The following FAM161A variants were observed in gnomAD, a reference collection of about 807,000 sequenced individuals.
The protein encoded by FAM161A is FAM161 centrosomal protein A.
FAM161A carries 57 observed loss-of-function variants against 70.9 expected under a neutral mutation model. The observed-to-expected ratio is 0.80, with a 90% CI of 0.65 to 1.00. The LOEUF (loss-of-function observed/expected upper bound fraction) is 1.00. FAM161A is among the 50% of genes least tolerant of loss of function. The pLI is 0.00. For missense variants in FAM161A, 880 were observed against 836.0 expected (o/e 1.05, Z -0.65); for synonymous variants, 299 against 295.7 (o/e 1.01, Z -0.12).
chr2:61,848,573 C>T lies in FAM161A; in HGVS notation c.183+5286G>A, dbSNP rs1217717162. Among the ~76,000 whole-genome samples the T allele has an allele frequency of 7.9e-5, 12 of 151,578 alleles. No homozygotes were observed. In the Admixed American group the frequency reaches 8.0e-4, roughly 10 times the overall value. The stretch of plus-strand genomic sequence containing the variant: ...TAATCTTCCCTAGATTGGCTTGACC[C>T]ATTTAGATAATGAATCCTTCCAGTA... On this transcript the variant is annotated intron_variant, in intron 1 of 6. Transcript: ENST00000404929.
At chr2:61,806,287 C>A in the FAM161A span, among the ~76,000 whole-genome samples, 5 of 152,120 alleles carry the variant, frequency 3.3e-5, no homozygotes, top group Non-Finnish European at 5.9e-5. Context: ...TTTGAGGGCG[C>A]CATCGCTACT....
rs144455077 is a variant in FAM161A, at chr2:61,840,588, G to A, written c.423-7C>T. 2,100 of 1,557,972 alleles carry A rather than the reference G, an allele frequency of 1.3e-3. 23 individuals are homozygous for A. The African/African-American group carries it at 0.025, about 19-fold the overall frequency. On this transcript the variant is annotated splice_polypyrimidine_tract_variant and splice_region_variant and intron_variant, in intron 2 of 6. Coordinates refer to ENST00000404929, the MANE Select transcript of FAM161A (RefSeq NM_001201543.2). ...GTTCTTTTCTGATACAGATCTAAAT[G>A]AGAAGAATAACTATGTTATACTTTC...
At chr2:61,802,914 C>G in the FAM161A span, among the ~76,000 whole-genome samples, 1 of 152,076 alleles carries the variant, frequency 6.6e-6, no homozygotes, top group Non-Finnish European at 1.5e-5. Flanking sequence ...CCTAGTTAGC[C>G]CTGAGAAGTA....
At chr2:61,812,376 A>G in the FAM161A span, among the ~76,000 whole-genome samples, 2 of 152,270 alleles carry the variant, frequency 1.3e-5, no homozygotes, top group African/African-American at 4.8e-5. Context: ...TGGATTATTT[A>G]TAAGTTAGTG....
chr2:61,854,000 A>C lies in FAM161A; in HGVS notation c.42T>G (p.Ser14Arg), dbSNP rs1673590398. The stretch of plus-strand genomic sequence containing the variant: ...TGATGGGATTTACCGGGGTCTGGAG[A>C]CTGGAGGCCACCAGCTTCGCCACTC... ...SHRVAKLVAS[S>R]LQTPVNPITG... Residue 14 changes from serine to arginine, a missense_variant, in exon 1 of 7, where the codon AGT becomes AGG. By Grantham distance (110) the Ser-to-Arg change is moderately radical. Coordinates refer to ENST00000404929, the MANE Select transcript of FAM161A (RefSeq NM_001201543.2). 4 of 1,612,972 alleles carry C rather than the reference A, an allele frequency of 2.5e-6. No homozygotes were observed. The East Asian group carries it at 8.9e-5, about 36-fold the overall frequency.
intron 5 of FAM161A, among the ~76,000 whole-genome samples, chr2:61,828,312 A>T (rs779139080): frequency 4.3e-4 from 65 of 150,638 alleles, no homozygotes; most frequent in Non-Finnish European, 7.8e-4. Context: ...TCATGCAATA[A>T]TTGTTGTCAG....
intron 5 of FAM161A, among the ~76,000 whole-genome samples, chr2:61,832,980 G>C (rs566926121): frequency 6.6e-6 from 1 of 152,110 alleles, no homozygotes; most frequent in Non-Finnish European, 1.5e-5. Flanking sequence ...GATGAATTAC[G>C]AATGTGTTTA....
At chr2:61,846,796 T>A in intron 1 of FAM161A, 1 of 364,174 alleles carries the variant, frequency 2.7e-6, no homozygotes, top group Non-Finnish European at 5.5e-6. Flanking sequence ...CCTGTCGGCT[T>A]GTGTCAGTCT....
At chr2:61,848,292 T>C (rs1673304207) in intron 1 of FAM161A, among the ~76,000 whole-genome samples, 1 of 152,224 alleles carries the variant, frequency 6.6e-6, no homozygotes, top group Non-Finnish European at 1.5e-5. Context: ...CCATTCTGTT[T>C]TCAGCTTAAT....
At chr2:61,836,780 GC>G in intron 4 of FAM161A, 1 of 174,416 alleles carries the variant, frequency 5.7e-6, no homozygotes, top group South Asian at 9.6e-5. Context: ...CACCATGTTG[GC>G]CAGGCTGGTC....
the FAM161A span, among the ~76,000 whole-genome samples, chr2:61,801,426 G>A: frequency 1.3e-5 from 2 of 151,840 alleles, no homozygotes. Context: ...GAATCCAAGA[G>A]GCAGAGGTTG....
intron 1 of FAM161A, 134 bp downstream of exon 1, chr2:61,853,725 G>T: frequency 1.1e-6 from 1 of 907,738 alleles, no homozygotes; most frequent in Non-Finnish European, 1.7e-6. Context: ...GCTGGGCCAG[G>T]ACCACCAAGT....
Position 61,825,971 on chromosome 2 carries a change from C to G in FAM161A, c.*484G>C, listed in dbSNP as rs1396263949. 14 of 454,036 alleles carry G rather than the reference C, an allele frequency of 3.1e-5. No homozygotes were observed. In the Admixed American group the frequency reaches 3.3e-4, roughly 11 times the overall value. 28.1% of individuals were successfully genotyped at this position (454,036 alleles called of 1,614,324 possible). ...TACTTTTAAAAATGGCTCAGAGCAG[C>G]AAAACAAGTTAGAGGATTTATTCTG... On this transcript the variant is annotated 3_prime_UTR_variant, in exon 7 of 7. Coordinates refer to ENST00000404929, the MANE Select transcript of FAM161A (RefSeq NM_001201543.2).
At chr2:61,812,578 C>T in the FAM161A span, among the ~76,000 whole-genome samples, 5 of 151,910 alleles carry the variant, frequency 3.3e-5, no homozygotes, top group African/African-American at 9.7e-5. Flanking sequence ...AAAAATTAGC[C>T]GGGCATGGTG....
At chr2:61,802,809 G>A in the FAM161A span, among the ~76,000 whole-genome samples, 2 of 152,120 alleles carry the variant, frequency 1.3e-5, no homozygotes, top group African/African-American at 4.8e-5. Context: ...GTCGTAAGAG[G>A]TAGCAGGGAC....
chr2:61,836,721 A>C (rs1672787283), intron 4 of FAM161A: 2 of 157,688 alleles, frequency 1.3e-5, no homozygotes, highest in African/African-American at 4.8e-5. Flanking sequence ...ACAGGTGTGC[A>C]CCACCATGCC....
chr2:61,826,683 G>A, intron 6 of FAM161A, 84 bp from the exon 7 acceptor site: 6 of 1,158,598 alleles, frequency 5.2e-6, no homozygotes, highest in Non-Finnish European at 6.3e-6. Context: ...ATGCCACCGT[G>A]TAGCCAGTCT....
At chr2:61,839,089 C>T (rs112144283) in intron 3 of FAM161A, among the ~76,000 whole-genome samples, 233 of 151,682 alleles carry the variant, frequency 1.5e-3, no homozygotes, top group Middle Eastern at 3.4e-3. Flanking sequence ...TTCATTATCT[C>T]GGCCAGGGTG....
At position 61,825,197 on chromosome 2, in the gene FAM161A, A is replaced by C; in HGVS notation, c.*1258T>G. 1 of 436,390 alleles carries C rather than the reference A, an allele frequency of 2.3e-6. No homozygotes were observed. The highest frequency in any genetic ancestry group is 4.5e-6 in the Non-Finnish European group (1 of 222,604). The allele number at this position is 436,390 out of a possible 1,614,324, so 27.0% of individuals were successfully genotyped here. A position where few individuals can be genotyped will look rare whatever the true frequency, so the allele number is the denominator to read the frequency against. On this transcript the variant is annotated 3_prime_UTR_variant, in exon 7 of 7. Coordinates refer to ENST00000404929, the MANE Select transcript of FAM161A (RefSeq NM_001201543.2). ...CTATATTATCTTTATGATTGGCTTC[A>C]AATTTTAAAACAAAAATTTGCTTAA...
Sources: gnomAD v4.1 joint callset for allele counts (sites outside exome capture counted in the v4.1 genomes callset) on GRCh38, gnomAD v4.1.1 for gene constraint, MANE v1.5 for transcripts, NCBI Gene and HGNC (gene_info 2026-07-23, HGNC 2026-07-21) for gene names.